Variants in TSHZ2 observed in about 807,000 individuals in gnomAD.
The protein encoded by TSHZ2 is teashirt homolog 2.
TSHZ2 carries 21 observed loss-of-function variants against 74.4 expected under a neutral mutation model. The ratio of observed to expected loss-of-function variants is 0.28; its 90% CI spans 0.20 to 0.41. The LOEUF (loss-of-function observed/expected upper bound fraction) is 0.41, where lower values mean the gene tolerates loss of function less well. Ranked by LOEUF, TSHZ2 falls within the 10% of genes least tolerant of loss-of-function variation. TSHZ2 has a pLI of 1.00. For missense variants in TSHZ2, 1,244 were observed against 1,293.5 expected, an observed-to-expected ratio of 0.96 and a Z score of 0.59; for synonymous variants, 540 against 515.3, an observed-to-expected ratio of 1.05 and a Z score of -0.65.
chr20:53,215,846 C>G (rs1175160472), intron 1 of TSHZ2, among the ~76,000 whole-genome samples: 2 of 136,276 alleles, frequency 1.5e-5, no homozygotes, highest in Non-Finnish European at 3.1e-5. Flanking sequence ...CCAGCCTGGG[C>G]AACAGGAGCA....
chr20:53,257,732 G>A (rs1180276048), intron 2 of TSHZ2, among the ~76,000 whole-genome samples: 1 of 152,176 alleles, frequency 6.6e-6, no homozygotes, highest in East Asian at 1.9e-4. Context: ...AACCCAACCT[G>A]AACTAAACCT....
At chr20:53,230,525 C>CCA (rs559323457) in intron 1 of TSHZ2, among the ~76,000 whole-genome samples, 162 of 152,232 alleles carry the variant, frequency 1.1e-3, no homozygotes, top group African/African-American at 3.7e-3. Flanking sequence ...CACAGAGAAG[C>CCA]CAAGAGAATG....
chr20:53,171,209 G>A (rs927159419), intron 1 of TSHZ2, among the ~76,000 whole-genome samples: 4 of 152,208 alleles, frequency 2.6e-5, no homozygotes, highest in African/African-American at 9.6e-5. Flanking sequence ...TCTCAAGCGT[G>A]TCCCCTTTAA....
At chr20:53,337,127 G>C (rs143376020) in intron 2 of TSHZ2, among the ~76,000 whole-genome samples, 2 of 152,314 alleles carry the variant, frequency 1.3e-5, no homozygotes, top group Non-Finnish European at 2.9e-5. Context: ...CTCACAGATA[G>C]GAGCTGAACT....
chr20:53,083,468 G>A (rs527534547), intron 1 of TSHZ2, among the ~76,000 whole-genome samples: 52 of 152,118 alleles, frequency 3.4e-4, no homozygotes, highest in Non-Finnish European at 6.5e-4. Context: ...TCCTTTTTTC[G>A]CCATATCTAC....
chr20:53,298,761 G>A (rs1185549113), intron 2 of TSHZ2, among the ~76,000 whole-genome samples: 5 of 152,164 alleles, frequency 3.3e-5, no homozygotes, highest in African/African-American at 1.2e-4. Context: ...GAAAACAATA[G>A]CATAGAAGAG....
chr20:53,300,565 A>T (rs1991460482), intron 2 of TSHZ2, among the ~76,000 whole-genome samples: 1 of 152,174 alleles, frequency 6.6e-6, no homozygotes, highest in African/African-American at 2.4e-5. Context: ...ATTATCTCCA[A>T]TAGATAAAAT....
At chr20:53,166,761 ACT>A (rs912126167) in intron 1 of TSHZ2, among the ~76,000 whole-genome samples, 2 of 152,128 alleles carry the variant, frequency 1.3e-5, no homozygotes, top group African/African-American at 4.8e-5. Flanking sequence ...ACAAAGTGAG[ACT>A]CTGTCTAAAA....
chr20:53,247,508 C>T (rs1056833978), intron 1 of TSHZ2, among the ~76,000 whole-genome samples: 2 of 152,222 alleles, frequency 1.3e-5, no homozygotes, highest in Non-Finnish European at 2.9e-5. Flanking sequence ...TTTACTCAGC[C>T]TGCCAACATG....
At chr20:53,261,124 T>C (rs1407765071) in intron 2 of TSHZ2, among the ~76,000 whole-genome samples, 1 of 152,184 alleles carries the variant, frequency 6.6e-6, no homozygotes, top group Non-Finnish European at 1.5e-5. Context: ...TGCTCCTTGG[T>C]TTCCTCCTCC....
At chr20:53,164,198 G>A (rs766459293) in intron 1 of TSHZ2, among the ~76,000 whole-genome samples, 2 of 151,956 alleles carry the variant, frequency 1.3e-5, no homozygotes, top group Non-Finnish European at 2.9e-5. Context: ...GAATCAGCTT[G>A]GATTACTGGA....
At chr20:52,986,472 G>A (rs1192728881) in intron 1 of TSHZ2, among the ~76,000 whole-genome samples, 1 of 151,220 alleles carries the variant, frequency 6.6e-6, no homozygotes, top group African/African-American at 2.4e-5. Flanking sequence ...GCTCACGCCT[G>A]TAATCCTAGC....
chr20:53,263,533 C>G (rs2123743663), intron 2 of TSHZ2, among the ~76,000 whole-genome samples: 1 of 152,300 alleles, frequency 6.6e-6, no homozygotes, highest in Middle Eastern at 3.4e-3. Context: ...GTGAGCCCCC[C>G]AGTGTTCTAG....
chr20:53,262,038 G>A (rs1209384182), intron 2 of TSHZ2, among the ~76,000 whole-genome samples: 1 of 152,148 alleles, frequency 6.6e-6, no homozygotes, highest in East Asian at 1.9e-4. Flanking sequence ...CCTTCCTGCA[G>A]AGAAGTCTTT....
intron 1 of TSHZ2, among the ~76,000 whole-genome samples, chr20:53,044,900 C>T (rs1055466682): frequency 2.0e-5 from 3 of 151,996 alleles, no homozygotes; most frequent in Non-Finnish European, 4.4e-5. Flanking sequence ...TTTGTAGAAA[C>T]GGGGTCTCAC....
chr20:53,379,075 C>T (rs1261889406), intron 2 of TSHZ2, among the ~76,000 whole-genome samples: 1 of 152,144 alleles, frequency 6.6e-6, no homozygotes, highest in Non-Finnish European at 1.5e-5. Context: ...TAGCACAGTG[C>T]TTGCTACATA....
At position 53,048,866 on chromosome 20, in the gene TSHZ2, G is replaced by A. The variant is rs151126102; in HGVS notation, c.40+75533G>A. On this transcript the variant is annotated intron_variant, in intron 1 of 2. Coordinates refer to ENST00000371497, the MANE Select transcript of TSHZ2 (RefSeq NM_173485.6). Reference sequence around the variant, plus strand: ...CAGTGTTCTGTGCAACACGCCCTGCGTCACAGGTTTCAATAACAACAAACT... The same window carrying A: ...CAGTGTTCTGTGCAACACGCCCTGCATCACAGGTTTCAATAACAACAAACT... Among the ~76,000 whole-genome samples, 428 of 152,184 alleles carry A rather than the reference G, an allele frequency of 2.8e-3. 2 individuals carry two copies. The highest frequency in any genetic ancestry group is 0.013 in the South Asian group (65 of 4,818).
chr20:53,016,457 T>G (rs1983042883), intron 1 of TSHZ2, among the ~76,000 whole-genome samples: 1 of 152,194 alleles, frequency 6.6e-6, no homozygotes, highest in African/African-American at 2.4e-5. Flanking sequence ...GTTAATTGAT[T>G]AGTGGAACTA....
In TSHZ2 at chr20:53,493,656, C is replaced by T. The variant is rs1986505460; in HGVS notation, c.*6521C>T. 6.6e-6 allele frequency: 1 copy of T among 151,738 alleles called. No individual in the cohort carries two copies. Among genetic ancestry groups the T allele is most frequent in the Non-Finnish European group, 1.5e-5 (1 of 67,986 alleles). The allele number at this position is 151,738 out of a possible 1,614,324, so 9.4% of individuals were successfully genotyped here. A position where few individuals can be genotyped will look rare whatever the true frequency, so the allele number is the denominator to read the frequency against. On this transcript the variant is annotated 3_prime_UTR_variant, in exon 3 of 3. Transcript: ENST00000371497. ...TGCATTAAGGATGTTTTTGAAATTA[C>T]AGAGATTATTGAGCCAACAGGCTGT...
Sources: gnomAD v4.1 joint callset for allele counts (sites outside exome capture counted in the v4.1 genomes callset) on GRCh38, gnomAD v4.1.1 for gene constraint, MANE v1.5 for transcripts, NCBI Gene and HGNC (gene_info 2026-07-23, HGNC 2026-07-21) for gene names.